The following NFIB variants were observed in gnomAD, a reference collection of about 807,000 sequenced individuals.
NFIB encodes nuclear factor I B, also known as nuclear factor 1 B-type.
NFIB carries 11 observed loss-of-function variants against 61.5 expected under a neutral mutation model. The observed-to-expected ratio is 0.18, with a 90% CI of 0.11 to 0.30. The LOEUF (loss-of-function observed/expected upper bound fraction) is 0.30. Ranked by LOEUF, NFIB falls within the 10% of genes least tolerant of loss-of-function variation. The probability of loss-of-function intolerance (pLI) is 1.00; values close to 1 mark genes in which losing one functional copy is unlikely to be tolerated. For missense variants in NFIB, 471 were observed against 608.9 expected, an observed-to-expected ratio of 0.77 and a Z score of 2.38; for synonymous variants, 260 against 216.5, an observed-to-expected ratio of 1.20 and a Z score of -1.76.
chr9:14,115,015 G>A (rs190865134), intron 9 of NFIB, among the ~76,000 whole-genome samples: 1 of 152,208 alleles, frequency 6.6e-6, no homozygotes, highest in East Asian at 1.9e-4. Flanking sequence ...GTGCATTCAG[G>A]GAAGTATTCT....
chr9:14,146,598 T>C, intron 6 of NFIB, 91 bp downstream of exon 6: 4 of 1,548,698 alleles, frequency 2.6e-6, no homozygotes, highest in Admixed American at 1.7e-5. Flanking sequence ...CAATCCATAT[T>C]GGTTTAATTA....
At chr9:14,136,117 A>C (rs1260083254) in intron 6 of NFIB, among the ~76,000 whole-genome samples, 1 of 152,190 alleles carries the variant, frequency 6.6e-6, no homozygotes, top group Non-Finnish European at 1.5e-5. Context: ...ACTTAAAAAA[A>C]TCCTTTGAAT....
intron 2 of NFIB, among the ~76,000 whole-genome samples, chr9:14,227,663 T>C (rs181287813): frequency 1.4e-4 from 22 of 152,320 alleles, no homozygotes; most frequent in Admixed American, 3.9e-4. Flanking sequence ...ACCCCTTACA[T>C]ATGTCAATTG....
chr9:14,260,620 T>C lies in NFIB; in HGVS notation c.562+46369A>G, dbSNP rs150082284. On this transcript the variant is annotated intron_variant, in intron 2 of 10. Coordinates refer to ENST00000380953, the MANE Select transcript of NFIB (RefSeq NM_001190737.2). ...TAGGAAAGTTACCTGCATGCAGATA[T>C]ATGCACAGCTAAGGTAACATGGAGG... is the stretch of plus-strand genomic sequence containing the variant. 7.0e-3 allele frequency among the ~76,000 whole-genome samples: 1,072 copies of C among 152,286 alleles called. 17 individuals are homozygous for C. Among genetic ancestry groups the C allele is most frequent in the African/African-American group, 0.024 (981 of 41,568 alleles).
At chr9:14,160,831 C>A (rs1332354621) in intron 3 of NFIB, among the ~76,000 whole-genome samples, 1,011 of 96,026 alleles carry the variant, frequency 0.011, no homozygotes, top group Middle Eastern at 0.025. Flanking sequence ...AAGGAAATCT[C>A]AAAAAAAAAA....
At chr9:14,422,300 G>C in the NFIB span, among the ~76,000 whole-genome samples, 3 of 152,130 alleles carry the variant, frequency 2.0e-5, no homozygotes, top group Non-Finnish European at 2.9e-5. Flanking sequence ...GTAGAACACT[G>C]ATCAGTTGAA....
chr9:14,146,431 C>T (rs1020971264), intron 6 of NFIB, among the ~76,000 whole-genome samples: 3 of 152,048 alleles, frequency 2.0e-5, no homozygotes, highest in Admixed American at 6.6e-5. Context: ...CATAATCAGT[C>T]ACATACATAA....
At chr9:14,240,379 T>G (rs2054230593) in intron 2 of NFIB, among the ~76,000 whole-genome samples, 1 of 152,156 alleles carries the variant, frequency 6.6e-6, no homozygotes, top group South Asian at 2.1e-4. Context: ...ATGCTTCCAT[T>G]TTGAAGCATA....
chr9:14,410,889 A>G, the NFIB span, among the ~76,000 whole-genome samples: 2 of 152,334 alleles, frequency 1.3e-5, no homozygotes, highest in East Asian at 3.9e-4. Context: ...CTATTGATAC[A>G]GGGAATATAA....
intron 2 of NFIB, among the ~76,000 whole-genome samples, chr9:14,250,830 G>C (rs1371819547): frequency 6.6e-6 from 1 of 152,180 alleles, no homozygotes; most frequent in African/African-American, 2.4e-5. Context: ...AATCCATTGA[G>C]AAGTCACGTT....
chr9:14,417,532 G>T, the NFIB span, among the ~76,000 whole-genome samples: 2 of 152,194 alleles, frequency 1.3e-5, no homozygotes, highest in African/African-American at 4.8e-5. Context: ...ATGCAGTGAA[G>T]TAGTTGGGCT....
intron 1 of NFIB, among the ~76,000 whole-genome samples, chr9:14,364,455 A>G (rs1463416207): frequency 6.6e-6 from 1 of 152,212 alleles, no homozygotes; most frequent in African/African-American, 2.4e-5. Flanking sequence ...GGCTGGATTT[A>G]TTAGAAACAA....
At chr9:14,114,749 A>G (rs1028496056) in intron 9 of NFIB, among the ~76,000 whole-genome samples, 5 of 152,298 alleles carry the variant, frequency 3.3e-5, no homozygotes, top group Admixed American at 1.3e-4. Context: ...TCTTCTATTA[A>G]TAACACCACA....
the NFIB span, among the ~76,000 whole-genome samples, chr9:14,482,429 C>T: frequency 3.3e-5 from 5 of 152,194 alleles, no homozygotes; most frequent in South Asian, 1.0e-3. Flanking sequence ...CTCCCTTCAC[C>T]AGTCCCCATT....
the NFIB span, among the ~76,000 whole-genome samples, chr9:14,446,857 TTCTC>T: frequency 6.6e-6 from 1 of 152,162 alleles, no homozygotes; most frequent in Non-Finnish European, 1.5e-5. Context: ...TATTTTATCT[TTCTC>T]TACCTACACA....
the NFIB span, among the ~76,000 whole-genome samples, chr9:14,471,038 A>G: frequency 6.6e-6 from 1 of 152,256 alleles, no homozygotes; most frequent in Non-Finnish European, 1.5e-5. Flanking sequence ...TAATGATCTG[A>G]AAAATTCCAT....
At chr9:14,232,245 C>A (rs888316376) in intron 2 of NFIB, among the ~76,000 whole-genome samples, 4 of 152,160 alleles carry the variant, frequency 2.6e-5, no homozygotes, top group African/African-American at 9.7e-5. Flanking sequence ...TTCTGCATGG[C>A]TGCTTTTTCT....
At chr9:14,262,765 CTGTT>C (rs1200664914) in intron 2 of NFIB, among the ~76,000 whole-genome samples, 2 of 151,954 alleles carry the variant, frequency 1.3e-5, no homozygotes, top group Non-Finnish European at 2.9e-5. Flanking sequence ...GGTAAGGCAG[CTGTT>C]TGTTTTTTGT....
chr9:14,154,584 C>T (rs1350475447), intron 4 of NFIB, among the ~76,000 whole-genome samples: 1 of 152,142 alleles, frequency 6.6e-6, no homozygotes, highest in East Asian at 1.9e-4. Context: ...ATCGAATACA[C>T]ACCCTGGGGC....
Sources: allele counts gnomAD v4.1 joint callset (sites outside exome capture counted in the v4.1 genomes callset), GRCh38; gene constraint gnomAD v4.1.1; transcripts MANE v1.5; gene names NCBI Gene and HGNC (gene_info 2026-07-23, HGNC 2026-07-21).